Variants in SYNE1 observed in about 807,000 individuals in gnomAD.
SYNE1 encodes the protein nesprin-1.
Under a neutral mutation model 1,111.0 loss-of-function variants are expected in SYNE1, and 616 were observed. The observed-to-expected ratio is 0.55, with a 90% CI of 0.52 to 0.59. SYNE1 has a LOEUF of 0.59. SYNE1 is among the 20% of genes least tolerant of loss of function. SYNE1 has a pLI of 0.00. For missense variants in SYNE1, 10,006 were observed against 10,417.0 expected (o/e 0.96, Z 1.72); for synonymous variants, 3,855 against 3,825.8 (o/e 1.01, Z -0.28).
rs2096033087 is a variant in SYNE1 at position 152,325,367 on chromosome 6, T to A, written c.15439-65A>T. ...GAGAGATCAATTTAATTTTATAAAG[T>A]TCTATGGATCTTGGTAAAGCCCAAA... On this transcript the variant is annotated intron_variant, in intron 80 of 145. Transcript: ENST00000367255. 2.2e-5 allele frequency: 34 copies of A among 1,547,608 alleles called. 2 individuals carry two copies. The South Asian group carries it at 3.7e-4, about 17-fold the overall frequency.
chr6:152,398,337 TG>T (rs2097766736), intron 49 of SYNE1, among the ~76,000 whole-genome samples: 1 of 152,226 alleles, frequency 6.6e-6, no homozygotes, highest in Non-Finnish European at 1.5e-5. Context: ...ATACTCTTAT[TG>T]TTATAAAAAT....
At chr6:152,180,451 G>A (rs1175904548) in intron 128 of SYNE1, among the ~76,000 whole-genome samples, 157 bp from the exon 129 acceptor site, 1 of 152,128 alleles carries the variant, frequency 6.6e-6, no homozygotes, top group Non-Finnish European at 1.5e-5. Context: ...ATTATAAAGT[G>A]GGAGACATTG....
intron 107 of SYNE1, among the ~76,000 whole-genome samples, chr6:152,241,458 CT>C (rs752137946): frequency 2.2e-4 from 33 of 150,164 alleles, no homozygotes; most frequent in Admixed American, 6.7e-4. Context: ...GGTTTCTGGA[CT>C]GGCAAAATTG....
At chr6:152,617,934 A>G (rs552802441) in intron 3 of SYNE1, among the ~76,000 whole-genome samples, 70 of 152,292 alleles carry the variant, frequency 4.6e-4, no homozygotes, top group South Asian at 8.3e-4. Context: ...GCAACACCAT[A>G]GTTTATAGAG....
rs140118684 is a variant in SYNE1 at position 152,330,060 on chromosome 6, C to T, written c.14625G>A (p.Thr4875=). ...CCATTCGGCTCTCACATTCTGTCAC[C>T]GTCTCACCAATGGCAGAAGTCAACA... ...LKLLTSAIGE[T]VTECESRMVQ... is the part of the protein sequence containing the mutation. The change falls in exon 78 of 146, where the codon ACG becomes ACA. Residue 4875 remains threonine (T), a synonymous_variant. Transcript: ENST00000367255. The T allele has an allele frequency of 5.8e-5, 94 of 1,614,120 alleles. No individual in the cohort carries two copies. In the African/African-American group the frequency reaches 8.7e-4, roughly 15 times the overall value.
At chr6:152,379,454 A>G (rs749211247) in intron 56 of SYNE1, among the ~76,000 whole-genome samples, 4 of 152,114 alleles carry the variant, frequency 2.6e-5, no homozygotes, top group Admixed American at 6.5e-5. Flanking sequence ...ATCTAATTGC[A>G]TAAAATAAAT....
At chr6:152,458,627 G>T in intron 22 of SYNE1, 130 bp downstream of exon 22, 1 of 923,168 alleles carries the variant, frequency 1.1e-6, no homozygotes. Flanking sequence ...ATGTATTTTT[G>T]TTTTGAGTTA....
chr6:152,305,514 T>C lies in SYNE1; in HGVS notation c.17346+2975A>G, dbSNP rs61445136. Among the ~76,000 whole-genome samples the C allele has an allele frequency of 3.4e-3, 521 of 152,264 alleles. 16 individuals are homozygous for C. In the East Asian group the frequency reaches 0.075, roughly 22 times the overall value. On this transcript the variant is annotated intron_variant, in intron 91 of 145. Transcript: ENST00000367255. ...TCCTGACCTTGTGATCTGCCCGCCT[T>C]GGCCTCCGAAAAGTACTGGGATTAC...
intron 3 of SYNE1, among the ~76,000 whole-genome samples, chr6:152,625,863 C>A (rs2099684619): frequency 1.3e-5 from 2 of 152,146 alleles, no homozygotes; most frequent in Non-Finnish European, 2.9e-5. Context: ...CATATCACAG[C>A]ATTTATAATT....
At chr6:152,627,554 A>G (rs1198548016) in intron 3 of SYNE1, among the ~76,000 whole-genome samples, 15 of 151,596 alleles carry the variant, frequency 9.9e-5, no homozygotes, top group Admixed American at 7.2e-4. Flanking sequence ...GCTACTTGTG[A>G]GGCTGAGGGA....
chr6:152,391,670 C>T, intron 51 of SYNE1, 102 bp from the exon 52 acceptor site: 1 of 1,357,654 alleles, frequency 7.4e-7, no homozygotes, highest in Non-Finnish European at 9.8e-7. Context: ...AGTAACCAGA[C>T]ACAGGCTCAT....
intron 127 of SYNE1, among the ~76,000 whole-genome samples, chr6:152,195,112 G>C (rs892602851): frequency 1.3e-5 from 2 of 151,994 alleles, no homozygotes; most frequent in African/African-American, 2.4e-5. Flanking sequence ...GTAGAGACAG[G>C]GTTTCTCCAT....
At chr6:152,444,676 T>A (rs959244381) in intron 29 of SYNE1, 98 bp from the exon 30 acceptor site, 1 of 1,127,242 alleles carries the variant, frequency 8.9e-7, no homozygotes, top group Non-Finnish European at 1.3e-6. Flanking sequence ...ATAAACATTG[T>A]ACATATTTAA....
intron 3 of SYNE1, among the ~76,000 whole-genome samples, chr6:152,608,477 A>C (rs1001932492): frequency 2.6e-5 from 4 of 152,228 alleles, no homozygotes; most frequent in Non-Finnish European, 5.9e-5. Context: ...TAAAAAGGCC[A>C]TGTTTCTTAA....
chr6:152,166,946 C>A (rs2063788418), intron 130 of SYNE1, among the ~76,000 whole-genome samples: 2 of 152,026 alleles, frequency 1.3e-5, no homozygotes, highest in Admixed American at 1.3e-4. Context: ...TCCATTATTT[C>A]TTTAAAGATA....
At chr6:152,542,686 G>A (rs1432800484) in intron 3 of SYNE1, among the ~76,000 whole-genome samples, 3 of 151,940 alleles carry the variant, frequency 2.0e-5, no homozygotes, top group African/African-American at 7.3e-5. Flanking sequence ...TGTCACTCAA[G>A]GGTAGCATAA....
chr6:152,340,427 T>G (rs576402995), intron 74 of SYNE1, among the ~76,000 whole-genome samples: 2 of 152,256 alleles, frequency 1.3e-5, no homozygotes, highest in African/African-American at 4.8e-5. Context: ...CTCCAAATAA[T>G]TCTTTGTTGT....
At chr6:152,265,009 G>A (rs1396046458) in intron 100 of SYNE1, among the ~76,000 whole-genome samples, 4 of 152,010 alleles carry the variant, frequency 2.6e-5, no homozygotes. Context: ...CGGAGTTCAA[G>A]ACCAGCCTGG....
intron 2 of SYNE1, among the ~76,000 whole-genome samples, chr6:152,631,734 G>A (rs2099698295): frequency 6.6e-6 from 1 of 152,086 alleles, no homozygotes. Flanking sequence ...GGGTGGAGGT[G>A]GGTATAGGTA....
Sources: gnomAD v4.1 joint callset for allele counts (sites outside exome capture counted in the v4.1 genomes callset) on GRCh38, gnomAD v4.1.1 for gene constraint, MANE v1.5 for transcripts, NCBI Gene and HGNC (gene_info 2026-07-23, HGNC 2026-07-21) for gene names.